The following CACNG7 variants were observed in gnomAD, a reference collection of about 807,000 sequenced individuals.
CACNG7 encodes voltage-dependent calcium channel gamma-7 subunit.
Under a neutral mutation model 26.3 loss-of-function variants are expected in CACNG7, and 9 were observed. The ratio of observed to expected loss-of-function variants is 0.34; its 90% confidence interval spans 0.21 to 0.60. The LOEUF (loss-of-function observed/expected upper bound fraction) is 0.60, where lower values mean the gene tolerates loss of function less well. Ranked by LOEUF, CACNG7 falls within the 20% of genes least tolerant of loss-of-function variation. CACNG7 has a pLI of 0.81. For synonymous variants in CACNG7, 170 were observed against 157.0 expected, an observed-to-expected ratio of 1.08 and a Z score of -0.62; for missense variants, 297 against 380.4, an observed-to-expected ratio of 0.78 and a Z score of 1.82.
Position 53,931,685 on chromosome 19 carries a change from T to TAA in CACNG7, c.425-9763_425-9762dup, listed in dbSNP as rs747430354. 4.2e-3 allele frequency among the ~76,000 whole-genome samples: 189 copies of TAA among 44,840 alleles called. 1 individual carries two copies. Among genetic ancestry groups the TAA allele is most frequent in the Middle Eastern group, 0.015 (1 of 68 alleles). 29.4% of individuals were successfully genotyped at this position (44,840 alleles called of 152,430 possible). A position where few individuals can be genotyped will look rare whatever the true frequency, so the allele number is the denominator to read the frequency against. ...CTAGGTGACAGAGTAAGACTCTGTC[T>TAA]AAAAAAAAAAAAAAAAAAAAAAAGA... is the stretch of plus-strand genomic sequence containing the variant. On this transcript the variant is annotated intron_variant, in intron 4 of 5. Coordinates refer to ENST00000391767, the MANE Select transcript of CACNG7 (RefSeq NM_031896.5).
intron 4 of CACNG7, among the ~76,000 whole-genome samples, chr19:53,934,291 G>T (rs1045763905): frequency 6.6e-6 from 1 of 152,170 alleles, no homozygotes; most frequent in African/African-American, 2.4e-5. Context: ...TAGACTAGAG[G>T]CTTGATAACA....
intron 4 of CACNG7, among the ~76,000 whole-genome samples, chr19:53,919,022 G>A (rs892184353): frequency 3.9e-5 from 6 of 152,146 alleles, no homozygotes; most frequent in Admixed American, 1.3e-4. Context: ...CGCCCGCCTC[G>A]GCCTCCCGAA....
chr19:53,912,650 T>C lies in CACNG7; in HGVS notation c.-29-153T>C. 2 of 600,734 alleles carry C rather than the reference T, an allele frequency of 3.3e-6. No individual in the cohort carries two copies. Among genetic ancestry groups the C allele is most frequent in the South Asian group, 4.1e-5 (2 of 48,388 alleles). The allele number at this position is 600,734 out of a possible 1,614,324, so 37.2% of individuals were successfully genotyped here. Reference sequence around the variant, plus strand: ...TGGTGTCTCTGGTCAGACTCTAGGGTTGGGGTCATGGGTCAGGCCACGGAG... The same window carrying C: ...TGGTGTCTCTGGTCAGACTCTAGGGCTGGGGTCATGGGTCAGGCCACGGAG... On this transcript the variant is annotated intron_variant, in intron 1 of 5. Coordinates refer to ENST00000391767, the MANE Select transcript of CACNG7 (RefSeq NM_031896.5). This position sits in a 1 kb window ranked among gnomAD's most constrained non-coding sequence, Gnocchi z 4.6.
In CACNG7 at chr19:53,942,257, C is replaced by T; in HGVS notation, c.792C>T (p.Tyr264=). 1 of 1,613,356 alleles carries T rather than the reference C, an allele frequency of 6.2e-7. No homozygotes were observed. Among genetic ancestry groups the T allele is most frequent in the South Asian group, 1.1e-5 (1 of 91,072 alleles). The change falls in exon 6 of 6, where the codon TAC becomes TAT. Residue 264 remains tyrosine, a synonymous_variant. Coordinates refer to ENST00000391767, the MANE Select transcript of CACNG7 (RefSeq NM_031896.5). The surrounding 1 kb of genome is among the most constrained non-coding windows in gnomAD (Gnocchi z 5.9). The part of the protein sequence containing the change: ...MTQNYPPAIK[Y]PDHLHISTSP... ...AGAACTACCCTCCCGCCATCAAGTA[C>T]CCGGACCACCTGCACATCTCCACCT...
chr19:53,927,862 A>G (rs189036100), intron 4 of CACNG7, among the ~76,000 whole-genome samples: 1 of 151,792 alleles, frequency 6.6e-6, no homozygotes, highest in Non-Finnish European at 1.5e-5. Context: ...AAGGAAAGAA[A>G]AAAAGAAGGC....
rs985977588 is a variant in CACNG7, at chr19:53,940,416, A to G, written c.425-1054A>G. ...CTATTGTTGCAATTATTATCCACAC[A>G]GCCTCAGCTCAGGCCTCATCCTCTT... On this transcript the variant is annotated intron_variant, in intron 4 of 5. Coordinates refer to ENST00000391767, the MANE Select transcript of CACNG7 (RefSeq NM_031896.5). This position sits in a 1 kb window ranked among gnomAD's most constrained non-coding sequence, Gnocchi z 4.1. Among the ~76,000 whole-genome samples, 7 of 152,108 alleles carry G rather than the reference A, an allele frequency of 4.6e-5. No homozygotes were observed. The highest frequency in any genetic ancestry group is 1.7e-4 in the African/African-American group (7 of 41,414).
At chr19:53,941,343 A>C in intron 4 of CACNG7, 127 bp from the exon 5 acceptor site, 2 of 1,091,702 alleles carry the variant, frequency 1.8e-6, no homozygotes, top group Non-Finnish European at 2.5e-6. Flanking sequence ...AAGGCCCAGC[A>C]TACAAGGGGC....
chr19:53,935,122 A>C (rs960115702), intron 4 of CACNG7, among the ~76,000 whole-genome samples: 16 of 151,972 alleles, frequency 1.1e-4, no homozygotes, highest in Non-Finnish European at 1.5e-4. Flanking sequence ...TGCACAAAAA[A>C]TATATATGTA....
chr19:53,925,384 TATTGGTGGAGTTGCCCCAGGTCTGGTC>T (rs1206355455), intron 4 of CACNG7, among the ~76,000 whole-genome samples: 1 of 128,146 alleles, frequency 7.8e-6, no homozygotes, highest in Non-Finnish European at 1.7e-5. Flanking sequence ...CCAGGTCTGG[TATTGGTGGAGTTGCCCCAGGTCTGGTC>T]ATTGGTGGAG....
chr19:53,911,135 C>T lies in CACNG7; in HGVS notation c.-30+1618C>T, dbSNP rs930806880. Among the ~76,000 whole-genome samples, 12 of 151,852 alleles carry T rather than the reference C, an allele frequency of 7.9e-5. No individual in the cohort carries two copies. The South Asian group carries it at 1.2e-3, about 16-fold the overall frequency. ...AGGCTGAAGTGCAATGGTGCTATCTCGGCTCACTGCAACCTTGCCTCTCAG... is the reference window on the plus strand; with the variant it reads ...AGGCTGAAGTGCAATGGTGCTATCTTGGCTCACTGCAACCTTGCCTCTCAG... On this transcript the variant is annotated intron_variant, in intron 1 of 5. Coordinates refer to ENST00000391767, the MANE Select transcript of CACNG7 (RefSeq NM_031896.5).
intron 4 of CACNG7, among the ~76,000 whole-genome samples, chr19:53,915,999 A>G (rs2068895116): frequency 6.6e-6 from 1 of 152,206 alleles, no homozygotes; most frequent in Non-Finnish European, 1.5e-5. Context: ...TAAATGGAAA[A>G]GTCCAAAGAA....
intron 4 of CACNG7, among the ~76,000 whole-genome samples, chr19:53,922,239 G>T (rs538267165): frequency 1.8e-5 from 2 of 111,336 alleles, no homozygotes; most frequent in African/African-American, 7.8e-5. Context: ...CCCAGGTCTG[G>T]TCATTGGTGG....
intron 1 of CACNG7, among the ~76,000 whole-genome samples, chr19:53,911,481 A>T (rs1380006449): frequency 6.6e-6 from 1 of 152,184 alleles, no homozygotes; most frequent in Non-Finnish European, 1.5e-5. Context: ...TTCCAGGTCC[A>T]GGAGCCTGCC....
intron 4 of CACNG7, among the ~76,000 whole-genome samples, chr19:53,922,123 C>T (rs1423720255): frequency 2.5e-5 from 3 of 120,352 alleles, no homozygotes; most frequent in Non-Finnish European, 5.1e-5. Flanking sequence ...GGAGTTGCCC[C>T]AGGCCTGGTC....
chr19:53,941,101 A>G (rs2069134726), intron 4 of CACNG7, among the ~76,000 whole-genome samples: 1 of 151,996 alleles, frequency 6.6e-6, no homozygotes, highest in Non-Finnish European at 1.5e-5. Flanking sequence ...AGACTTGAAC[A>G]AAGAAATCTT....
chr19:53,928,428 T>G (rs567350891), intron 4 of CACNG7, among the ~76,000 whole-genome samples: 115 of 152,152 alleles, frequency 7.6e-4, no homozygotes, highest in African/African-American at 2.7e-3. Context: ...TGCACCACCA[T>G]GCCTGGCTAA....
intron 4 of CACNG7, among the ~76,000 whole-genome samples, chr19:53,918,799 G>A (rs770550849): frequency 2.6e-5 from 4 of 151,878 alleles, no homozygotes; most frequent in African/African-American, 2.4e-5. Flanking sequence ...ATGGAGTTTC[G>A]CTCTCGTCGC....
At chr19:53,913,723 G>C (rs2068874985) in intron 2 of CACNG7, among the ~76,000 whole-genome samples, 1 of 147,782 alleles carries the variant, frequency 6.8e-6, no homozygotes, top group Non-Finnish European at 1.5e-5. Context: ...GTTCGAGGCT[G>C]CAGTGAGCTA....
intron 4 of CACNG7, among the ~76,000 whole-genome samples, chr19:53,920,757 G>C (rs2068939795): frequency 9.2e-6 from 1 of 108,412 alleles, no homozygotes; most frequent in Non-Finnish European, 1.8e-5. Context: ...AGTTGCCCCA[G>C]GTCTGGTCAT....
Sources: allele counts gnomAD v4.1 joint callset (sites outside exome capture counted in the v4.1 genomes callset), GRCh38; gene constraint gnomAD v4.1.1; non-coding constraint Gnocchi (gnomAD v3.1); transcripts MANE v1.5; gene names NCBI Gene and HGNC (gene_info 2026-07-23, HGNC 2026-07-21).